Variants in LHFPL6 observed in about 807,000 individuals in gnomAD.
The protein encoded by LHFPL6 is LHFPL tetraspan subfamily member 6.
A neutral mutation model predicts 20.6 loss-of-function variants in LHFPL6; 9 were observed. The observed-to-expected ratio is 0.44, with a 90% CI of 0.26 to 0.76. LHFPL6 has a LOEUF of 0.76. Ranked by LOEUF, LHFPL6 falls within the 30% of genes least tolerant of loss-of-function variation. The pLI is 0.20. For synonymous variants in LHFPL6, 105 were observed against 98.7 expected, an observed-to-expected ratio of 1.06 and a Z score of -0.38; for missense variants, 218 against 253.5, an observed-to-expected ratio of 0.86 and a Z score of 0.95.
At chr13:39,458,887 G>T (rs1280854285) in intron 2 of LHFPL6, among the ~76,000 whole-genome samples, 1 of 152,124 alleles carries the variant, frequency 6.6e-6, no homozygotes, top group Non-Finnish European at 1.5e-5. Context: ...AAATACCGAA[G>T]AAATAACTTG....
At position 39,441,823 on chromosome 13, in the gene LHFPL6, C is replaced by CTTT. The variant is rs1168860757; in HGVS notation, c.386-63300_386-63298dup. On this transcript the variant is annotated intron_variant, in intron 2 of 3. Transcript: ENST00000379589. Reference sequence around the variant, plus strand: ...CCACTACACTGCACCTGGGCTAAAACTTTTTTTTTTTTTTTTTTTTTTTGA... The same window carrying CTTT: ...CCACTACACTGCACCTGGGCTAAAACTTTTTTTTTTTTTTTTTTTTTTTTTTGA... Among the ~76,000 whole-genome samples, 604 of 110,006 alleles carry CTTT rather than the reference C, an allele frequency of 5.5e-3. 12 individuals carry two copies. The highest frequency in any genetic ancestry group is 0.016 in the African/African-American group (464 of 28,788). 72.2% of individuals were successfully genotyped at this position (110,006 alleles called of 152,430 possible). A position where few individuals can be genotyped will look rare whatever the true frequency, so the allele number is the denominator to read the frequency against.
At chr13:39,346,524 G>A (rs1256459180) in intron 3 of LHFPL6, among the ~76,000 whole-genome samples, 4 of 152,068 alleles carry the variant, frequency 2.6e-5, no homozygotes, top group Non-Finnish European at 2.9e-5. Context: ...TGAGGCCAGG[G>A]AAAGTTTAAT....
intron 2 of LHFPL6, among the ~76,000 whole-genome samples, chr13:39,442,077 C>T (rs1217628164): frequency 6.6e-6 from 1 of 152,106 alleles, no homozygotes; most frequent in Non-Finnish European, 1.5e-5. Context: ...GATCCACCTG[C>T]CTCAGCCTCC....
chr13:39,400,220 G>A (rs1870950376), intron 2 of LHFPL6, among the ~76,000 whole-genome samples: 1 of 152,172 alleles, frequency 6.6e-6, no homozygotes, highest in Non-Finnish European at 1.5e-5. Context: ...GTGCACCTCA[G>A]CATACCTTCA....
At chr13:39,378,321 T>G (rs1394830002) in intron 3 of LHFPL6, 107 bp downstream of exon 3, 1 of 761,814 alleles carries the variant, frequency 1.3e-6, no homozygotes, top group Non-Finnish European at 2.3e-6. Context: ...CTGGCTGTAA[T>G]ACCCAGGGAG....
chr13:39,381,730 A>G (rs1266439815), intron 2 of LHFPL6, among the ~76,000 whole-genome samples: 2 of 151,982 alleles, frequency 1.3e-5, no homozygotes, highest in East Asian at 3.9e-4. Context: ...TAATTGAGTA[A>G]GGGTTAAAAA....
intron 2 of LHFPL6, among the ~76,000 whole-genome samples, chr13:39,427,057 T>TA (rs527894114): frequency 0.11 from 15,406 of 139,392 alleles, 971 homozygotes; most frequent in East Asian, 0.31. Flanking sequence ...TGCATCTTTG[T>TA]AAAAAAAAAA....
chr13:39,579,972 G>A (rs1306888105), intron 2 of LHFPL6, among the ~76,000 whole-genome samples: 1 of 152,160 alleles, frequency 6.6e-6, no homozygotes, highest in Non-Finnish European at 1.5e-5. Context: ...GCACAAAGCT[G>A]CAGCAGAATC....
intron 2 of LHFPL6, among the ~76,000 whole-genome samples, chr13:39,446,623 C>T (rs1404767123): frequency 6.6e-6 from 1 of 151,898 alleles, no homozygotes; most frequent in Non-Finnish European, 1.5e-5. Flanking sequence ...CATAGCTTCC[C>T]TATGAGGCTG....
intron 2 of LHFPL6, among the ~76,000 whole-genome samples, chr13:39,483,736 T>G (rs1283983645): frequency 6.6e-6 from 1 of 152,166 alleles, no homozygotes; most frequent in African/African-American, 2.4e-5. Context: ...TGAATGTAAA[T>G]AGCTTATTGA....
At chr13:39,370,653 T>C (rs1398411413) in intron 3 of LHFPL6, among the ~76,000 whole-genome samples, 2 of 152,244 alleles carry the variant, frequency 1.3e-5, no homozygotes, top group African/African-American at 4.8e-5. Flanking sequence ...AAACACTTGC[T>C]GCTTGAGTCA....
At chr13:39,411,399 C>A (rs1481609863) in intron 2 of LHFPL6, among the ~76,000 whole-genome samples, 1 of 152,152 alleles carries the variant, frequency 6.6e-6, no homozygotes, top group Non-Finnish European at 1.5e-5. Context: ...TAGAATAATC[C>A]AGGGAGCTAA....
At chr13:39,515,412 C>A (rs529456316) in intron 2 of LHFPL6, among the ~76,000 whole-genome samples, 1 of 152,314 alleles carries the variant, frequency 6.6e-6, no homozygotes, top group Non-Finnish European at 1.5e-5. Context: ...GATCCAAACA[C>A]GCTGCACCAA....
chr13:39,497,614 A>G (rs1228051735), intron 2 of LHFPL6, among the ~76,000 whole-genome samples: 1 of 152,198 alleles, frequency 6.6e-6, no homozygotes, highest in Non-Finnish European at 1.5e-5. Context: ...GATATGGGCA[A>G]AATTAATTTG....
chr13:39,380,005 G>A (rs990568240), intron 2 of LHFPL6, among the ~76,000 whole-genome samples: 2 of 152,200 alleles, frequency 1.3e-5, no homozygotes, highest in African/African-American at 4.8e-5. Context: ...TTTTGCTGAC[G>A]AGGCAAATGT....
At chr13:39,571,701 G>A (rs764443029) in intron 2 of LHFPL6, among the ~76,000 whole-genome samples, 5 of 152,224 alleles carry the variant, frequency 3.3e-5, no homozygotes, top group Non-Finnish European at 4.4e-5. Flanking sequence ...ACACAACAAG[G>A]CAAGAGGCCA....
At chr13:39,370,681 C>T (rs1566095910) in intron 3 of LHFPL6, among the ~76,000 whole-genome samples, 1 of 152,182 alleles carries the variant, frequency 6.6e-6, no homozygotes, top group Non-Finnish European at 1.5e-5. Context: ...CCTGCTCTGG[C>T]ACACAACGCA....
intron 2 of LHFPL6, among the ~76,000 whole-genome samples, chr13:39,519,589 T>C (rs9532389): frequency 0.08 from 12,193 of 152,266 alleles, 575 homozygotes; most frequent in East Asian, 0.23. Context: ...TCTTCAATTA[T>C]TGAACACTAA....
At chr13:39,527,480 G>A (rs1282467268) in intron 2 of LHFPL6, among the ~76,000 whole-genome samples, 6 of 148,186 alleles carry the variant, frequency 4.0e-5, no homozygotes, top group South Asian at 2.1e-4. Flanking sequence ...TTGAACAACC[G>A]ACAACATGGT....
Sources: gnomAD v4.1 joint callset for allele counts (sites outside exome capture counted in the v4.1 genomes callset) on GRCh38, gnomAD v4.1.1 for gene constraint, MANE v1.5 for transcripts, NCBI Gene and HGNC (gene_info 2026-07-23, HGNC 2026-07-21) for gene names.